The following ANKS3 variants were observed in gnomAD, a reference collection of about 807,000 sequenced individuals.
ANKS3 encodes ankyrin repeat and SAM domain-containing protein 3.
Under a neutral mutation model 80.7 loss-of-function variants are expected in ANKS3, and 62 were observed. That is an observed-to-expected ratio of 0.77 (90% CI 0.63 to 0.95). The LOEUF (loss-of-function observed/expected upper bound fraction) is 0.95. Among genes scored for constraint, ANKS3 ranks in the 40% least tolerant of loss-of-function variants. The probability of loss-of-function intolerance (pLI) is 0.00; values close to 1 mark genes in which losing one functional copy is unlikely to be tolerated. For synonymous variants in ANKS3, 489 were observed against 355.3 expected, an observed-to-expected ratio of 1.38 and a Z score of -4.23; for missense variants, 1,150 against 883.6, an observed-to-expected ratio of 1.30 and a Z score of -3.82.
intron 17 of ANKS3, 26 bp from the exon 18 acceptor site, chr16:4,696,922 G>A (rs1056918362): frequency 7.9e-6 from 9 of 1,142,544 alleles, no homozygotes; most frequent in Admixed American, 5.9e-5. Context: ...CCGGTGAGAA[G>A]GGAGGGGGAC....
At chr16:4,715,445 A>C (rs2080743657) in intron 6 of ANKS3, among the ~76,000 whole-genome samples, 1 of 152,184 alleles carries the variant, frequency 6.6e-6, no homozygotes, top group Admixed American at 6.5e-5. Flanking sequence ...TTTAATAAAA[A>C]ATTAGCAGGG....
chr16:4,699,374 G>A, intron 11 of ANKS3, 198 bp from the exon 12 acceptor site: 3 of 666,978 alleles, frequency 4.5e-6, no homozygotes, highest in East Asian at 2.8e-5. Context: ...CTCACACTAT[G>A]GTCGGCCACG....
intron 3 of ANKS3, among the ~76,000 whole-genome samples, chr16:4,729,163 G>T (rs949659053): frequency 1.7e-4 from 26 of 152,168 alleles, no homozygotes; most frequent in African/African-American, 6.3e-4. Context: ...CATGGACCCT[G>T]CCAGGGGCTT....
intron 6 of ANKS3, among the ~76,000 whole-genome samples, chr16:4,719,908 A>C (rs1238985624): frequency 6.6e-6 from 1 of 152,242 alleles, no homozygotes; most frequent in East Asian, 1.9e-4. Context: ...TCACGCCTGT[A>C]ATCCCAGCAC....
At chr16:4,702,042 G>C in intron 9 of ANKS3, 60 bp downstream of exon 9, 1 of 1,509,184 alleles carries the variant, frequency 6.6e-7, no homozygotes, top group Non-Finnish European at 8.8e-7. Context: ...GTGGGGATGG[G>C]CACACAGGAG....
Position 4,707,280 on chromosome 16 carries a change from A to ATT in ANKS3, c.710-2028_710-2027insAA, listed in dbSNP as rs1403478756. The stretch of plus-strand genomic sequence containing the variant: ...CACATTAAATATGACACGGAAGGAC[A>ATT]CTTTTTTTTTTTTTTTTTTGAAACA... On this transcript the variant is annotated intron_variant, in intron 7 of 17. Transcript: ENST00000304283. Among the ~76,000 whole-genome samples the ATT allele has an allele frequency of 2.7e-3, 334 of 121,810 alleles. 1 individual carries two copies. Among genetic ancestry groups the ATT allele is most frequent in the African/African-American group, 9.0e-3 (312 of 34,720 alleles). The allele number at this position is 121,810 out of a possible 152,430, so 79.9% of individuals were successfully genotyped here.
rs769123553 is a variant in ANKS3 at position 4,697,110 on chromosome 16, G to T, written c.1895-6C>A. Reference sequence around the variant, plus strand: ...CACTAAGCACAGTGCTTGCCCTGAGGAATGATGACCTTGAGCCTCTCCCGG... The same window carrying T: ...CACTAAGCACAGTGCTTGCCCTGAGTAATGATGACCTTGAGCCTCTCCCGG... On this transcript the variant is annotated splice_polypyrimidine_tract_variant and splice_region_variant and intron_variant, in intron 16 of 17. Coordinates refer to ENST00000304283, the MANE Select transcript of ANKS3 (RefSeq NM_133450.4). The T allele has an allele frequency of 8.1e-6, 13 of 1,613,122 alleles. No individual in the cohort carries two copies. Among genetic ancestry groups the T allele is most frequent in the Non-Finnish European group, 1.1e-5 (13 of 1,179,640 alleles).
In ANKS3 at chr16:4,702,181, T is replaced by C; in HGVS notation, c.930A>G (p.Glu310=). 1 of 1,595,162 alleles carries C rather than the reference T, an allele frequency of 6.3e-7. No homozygotes were observed. The highest frequency in any genetic ancestry group is 8.5e-7 in the Non-Finnish European group (1 of 1,171,344). ...TGACATCCCGGCAGCAGAGGCCCTC[T>C]TCTTCCAGGGGGTTCTCGCCACTGC... ...FNSSGENPLE[E]EGLCCRDVTS... The change falls in exon 9 of 18, where the codon GAA becomes GAG. Residue 310 remains glutamate, a synonymous_variant. Coordinates refer to ENST00000304283, the MANE Select transcript of ANKS3 (RefSeq NM_133450.4).
chr16:4,720,597 C>G (rs2081039732), intron 6 of ANKS3, among the ~76,000 whole-genome samples: 1 of 151,406 alleles, frequency 6.6e-6, no homozygotes, highest in South Asian at 2.1e-4. Context: ...AAGAACACAT[C>G]CTAAGCTCCT....
At chr16:4,707,159 A>C (rs748907350) in intron 7 of ANKS3, among the ~76,000 whole-genome samples, 1 of 152,260 alleles carries the variant, frequency 6.6e-6, no homozygotes, top group East Asian at 1.9e-4. Context: ...TCAGCACCCA[A>C]CACACCCTCA....
intron 7 of ANKS3, among the ~76,000 whole-genome samples, chr16:4,708,411 T>C (rs1367277035): frequency 6.6e-6 from 1 of 151,978 alleles, no homozygotes; most frequent in Admixed American, 6.6e-5. Context: ...AGAATACACT[T>C]AAAGCAGCAA....
At chr16:4,699,455 C>A (rs1043332748) in intron 11 of ANKS3, 5 of 468,276 alleles carry the variant, frequency 1.1e-5, no homozygotes, top group Middle Eastern at 6.2e-4. Flanking sequence ...TGTGAAGGGA[C>A]CATGGAGCTG....
intron 7 of ANKS3, among the ~76,000 whole-genome samples, chr16:4,710,157 T>C (rs943021210): frequency 5.3e-5 from 8 of 152,164 alleles, no homozygotes; most frequent in South Asian, 4.1e-4. Context: ...GATTGGTCAA[T>C]AGGTGTAAAA....
chr16:4,730,080 G>T lies in ANKS3; in HGVS notation c.70C>A (p.Leu24Ile). 5 of 1,594,802 alleles carry T rather than the reference G, an allele frequency of 3.1e-6. No homozygotes were observed. Among genetic ancestry groups the T allele is most frequent in the Non-Finnish European group, 4.3e-6 (5 of 1,169,154 alleles). ...TCCTCCCCGCTGACCTGTGTCCCGAGCCCGTGCCACATGGACAAGCTGCGG... is the reference window on the plus strand; with the variant it reads ...TCCTCCCCGCTGACCTGTGTCCCGATCCCGTGCCACATGGACAAGCTGCGG... Reference protein sequence around the residue: ...LNRSLSMWHGLGTQVSGEELD... With the variant: ...LNRSLSMWHGIGTQVSGEELD... Residue 24 changes from leucine (L) to isoleucine (I), a missense_variant, in exon 3 of 18, where the codon CTC becomes ATC. Physicochemically the swap from Leu to Ile is conservative, Grantham distance 5 (BLOSUM62 2). Transcript: ENST00000304283.
intron 10 of ANKS3, 85 bp from the exon 11 acceptor site, chr16:4,701,219 G>C: frequency 7.6e-6 from 12 of 1,583,338 alleles, no homozygotes; most frequent in Non-Finnish European, 1.0e-5. Context: ...ACAGGGGCTT[G>C]AGAGGCTTCG....
At chr16:4,716,163 C>G (rs1270760445) in intron 6 of ANKS3, among the ~76,000 whole-genome samples, 1 of 151,572 alleles carries the variant, frequency 6.6e-6, no homozygotes, top group Non-Finnish European at 1.5e-5. Context: ...CCATACCAGC[C>G]TGGCCAACAG....
chr16:4,715,829 T>A (rs2080766066), intron 6 of ANKS3, among the ~76,000 whole-genome samples: 1 of 152,092 alleles, frequency 6.6e-6, no homozygotes, highest in South Asian at 2.1e-4. Context: ...AGGATCTTGC[T>A]CTGTTACCCA....
chr16:4,705,382 C>T (rs1367535679), intron 7 of ANKS3, 129 bp from the exon 8 acceptor site: 3 of 1,162,120 alleles, frequency 2.6e-6, no homozygotes, highest in African/African-American at 1.6e-5. Context: ...TCTGCCAGGG[C>T]ATCACTTCTG....
chr16:4,702,375 T>A, intron 8 of ANKS3, 133 bp from the exon 9 acceptor site: 2 of 959,718 alleles, frequency 2.1e-6, no homozygotes, highest in Non-Finnish European at 2.8e-6. Flanking sequence ...CTGGCATGGC[T>A]CTATCTGTGG....
Sources: allele counts gnomAD v4.1 joint callset (sites outside exome capture counted in the v4.1 genomes callset), GRCh38; gene constraint gnomAD v4.1.1; transcripts MANE v1.5; gene names NCBI Gene and HGNC (gene_info 2026-07-23, HGNC 2026-07-21).